SLC7A8: variants seen among roughly 807,000 people sequenced by gnomAD.
The protein encoded by SLC7A8 is large neutral amino acids transporter small subunit 2.
In SLC7A8, 30 loss-of-function variants were observed where a neutral mutation model predicts 51.2. The ratio of observed to expected loss-of-function variants is 0.59; its 90% CI spans 0.44 to 0.80. SLC7A8 has a LOEUF of 0.80. Ranked by LOEUF, SLC7A8 falls within the 30% of genes least tolerant of loss-of-function variation. The pLI, the probability that SLC7A8 is intolerant of heterozygous loss-of-function variation, is 0.00. For missense variants in SLC7A8, 612 were observed against 674.4 expected, an observed-to-expected ratio of 0.91 and a Z score of 1.03; for synonymous variants, 257 against 275.8, an observed-to-expected ratio of 0.93 and a Z score of 0.67.
chr14:23,135,190 T>A (rs1051001657), intron 7 of SLC7A8, among the ~76,000 whole-genome samples: 6 of 151,954 alleles, frequency 3.9e-5, no homozygotes, highest in African/African-American at 1.4e-4. Context: ...TGGGTTCAAG[T>A]GATTCTTCTG....
intron 1 of SLC7A8, among the ~76,000 whole-genome samples, chr14:23,176,240 A>G (rs1876897071): frequency 6.6e-6 from 1 of 152,072 alleles, no homozygotes; most frequent in South Asian, 2.1e-4. Flanking sequence ...TATACTTGAA[A>G]TTTTTCCAAG....
rs2048723212 is a variant in SLC7A8, at chr14:23,139,547, C to A, written c.789G>T (p.Lys263Asn). 3 of 1,612,666 alleles carry A rather than the reference C, an allele frequency of 1.9e-6. No individual in the cohort carries two copies. The highest frequency in any genetic ancestry group is 2.5e-6 in the Non-Finnish European group (3 of 1,179,196). Reference sequence around the variant, plus strand: ...AGATGAAGATGGCTCTGGGAAGGTTCCTGTAGAGGGAGAGGAGGTGAGGGG... The same window carrying A: ...AGATGAAGATGGCTCTGGGAAGGTTACTGTAGAGGGAGAGGAGGTGAGGGG... The part of the protein sequence containing the change: ...YVTEELVDPY[K>N]NLPRAIFISI... The change falls in exon 6 of 11, where the codon AAG (lysine) becomes AAT (asparagine). Residue 263 changes from lysine (K) to asparagine (N), a missense_variant and splice_region_variant. Coordinates refer to ENST00000316902, the MANE Select transcript of SLC7A8 (RefSeq NM_012244.4).
chr14:23,154,165 G>A (rs2048871072), intron 3 of SLC7A8: 9 of 817,660 alleles, frequency 1.1e-5, no homozygotes, highest in Non-Finnish European at 1.3e-5. Flanking sequence ...CTGCAAAACA[G>A]GCACCTTTCT....
intron 3 of SLC7A8, among the ~76,000 whole-genome samples, chr14:23,151,749 T>TAAACAAAAAAAAA (rs2048848970): frequency 9.9e-6 from 1 of 100,902 alleles, no homozygotes; most frequent in Non-Finnish European, 2.0e-5. Context: ...CCCTGTCTCT[T>TAAACAAAAAAAAA]AAAAAAAAAA....
At chr14:23,161,925 T>TA (rs34382575) in intron 3 of SLC7A8, among the ~76,000 whole-genome samples, 258 of 106,262 alleles carry the variant, frequency 2.4e-3, no homozygotes, top group East Asian at 6.6e-3. Context: ...AGACTCCATC[T>TA]AAAAAAAAAA....
In SLC7A8 at chr14:23,137,941, C is replaced by G. The variant is rs2048705960; in HGVS notation, c.996G>C (p.Gly332=). The change falls in exon 7 of 11, where the codon GGG becomes GGC. Residue 332 remains glycine, a synonymous_variant. Coordinates refer to ENST00000316902, the MANE Select transcript of SLC7A8 (RefSeq NM_012244.4). ...VALSTFGGVN[G]SLFTSSRLFF... is the part of the protein sequence containing the mutation. Reference sequence around the variant, plus strand: ...CTCACCGAGAGGAGGTGAAGAGAGACCCATTAACTCCTCCAAATGTGGACA... The same window carrying G: ...CTCACCGAGAGGAGGTGAAGAGAGAGCCATTAACTCCTCCAAATGTGGACA... The G allele has an allele frequency of 1.4e-5, 22 of 1,613,914 alleles. No homozygotes were observed. Among genetic ancestry groups the G allele is most frequent in the Non-Finnish European group, 1.9e-5 (22 of 1,180,002 alleles).
chr14:23,161,468 A>C (rs1427682432), intron 3 of SLC7A8, among the ~76,000 whole-genome samples: 1 of 130,710 alleles, frequency 7.7e-6, no homozygotes, highest in Non-Finnish European at 1.7e-5. Context: ...CCCCATGTGC[A>C]TATGTTTACG....
At chr14:23,137,642 T>C (rs1594821343) in intron 7 of SLC7A8, among the ~76,000 whole-genome samples, 1 of 152,100 alleles carries the variant, frequency 6.6e-6, no homozygotes, top group Admixed American at 6.5e-5. Flanking sequence ...GCTGGCGGCC[T>C]CCTCTGTCTT....
At chr14:23,138,555 A>G (rs2048712823) in intron 6 of SLC7A8, among the ~76,000 whole-genome samples, 1 of 152,186 alleles carries the variant, frequency 6.6e-6, no homozygotes, top group South Asian at 2.1e-4. Flanking sequence ...AATAGGGATT[A>G]ATCCAGAATC....
chr14:23,129,681 C>T lies in SLC7A8; in HGVS notation c.1232G>A (p.Trp411Ter). The change falls in exon 9 of 11, where the codon TGG (tryptophan) becomes TAG (stop). Residue 411 changes from tryptophan (W) to a stop codon, truncating the protein, a stop_gained. Transcript: ENST00000316902. LOFTEE classifies it high-confidence loss of function. ...VTVAGQIVLR[W>*]KKPDIPRPIK... is the part of the protein sequence containing the mutation. ...GGGGCGGGGGATATCAGGCTTCTTC[C>T]AGCGAAGGACTATCTGTCCAGCAAC... The T allele has an allele frequency of 1.2e-6, 2 of 1,614,182 alleles. No homozygotes were observed. Among genetic ancestry groups the T allele is most frequent in the South Asian group, 1.1e-5 (1 of 91,080 alleles).
chr14:23,169,055 T>G (rs1324139873), intron 1 of SLC7A8, among the ~76,000 whole-genome samples: 1 of 152,072 alleles, frequency 6.6e-6, no homozygotes. Flanking sequence ...CAAATTAAAA[T>G]TACAAAGATA....
chr14:23,134,585 T>C (rs1192388181), intron 7 of SLC7A8, among the ~76,000 whole-genome samples: 2 of 152,046 alleles, frequency 1.3e-5, no homozygotes, highest in African/African-American at 4.8e-5. Flanking sequence ...AGAGATGGGG[T>C]CTTGCTCTGT....
At chr14:23,163,347 G>C (rs1231928574) in intron 3 of SLC7A8, among the ~76,000 whole-genome samples, 2 of 152,198 alleles carry the variant, frequency 1.3e-5, no homozygotes, top group East Asian at 3.8e-4. Context: ...TGGTGGACTG[G>C]AGATGCAGGC....
chr14:23,175,555 G>A (rs879549043), intron 1 of SLC7A8, among the ~76,000 whole-genome samples: 2 of 152,180 alleles, frequency 1.3e-5, no homozygotes, highest in Non-Finnish European at 2.9e-5. Flanking sequence ...GCTGTCTGGT[G>A]TGTCTCTTGG....
At chr14:23,170,142 T>C (rs186714957) in intron 1 of SLC7A8, among the ~76,000 whole-genome samples, 1 of 152,324 alleles carries the variant, frequency 6.6e-6, no homozygotes, top group East Asian at 1.9e-4. Flanking sequence ...ATCATTCCTA[T>C]TTTACCATTG....
intron 1 of SLC7A8, among the ~76,000 whole-genome samples, chr14:23,174,172 C>G (rs893643610): frequency 6.6e-6 from 1 of 152,186 alleles, no homozygotes; most frequent in Non-Finnish European, 1.5e-5. Flanking sequence ...GGTCCAAATA[C>G]CACCTTAAGT....
At chr14:23,146,749 A>G (rs2048797555) in intron 3 of SLC7A8, 1 of 152,208 alleles carries the variant, frequency 6.6e-6, no homozygotes, top group South Asian at 2.1e-4. Flanking sequence ...TTCACCCTGC[A>G]GTTGGGTGAT....
intron 1 of SLC7A8, among the ~76,000 whole-genome samples, chr14:23,178,885 CAAAAAAAAAA>C (rs386380884): frequency 6.3e-5 from 5 of 78,756 alleles, no homozygotes; most frequent in African/African-American, 2.1e-4. Flanking sequence ...ATCTTGTCTC[CAAAAAAAAAA>C]AAAAAAAAAA....
At chr14:23,177,808 C>A (rs1005544663) in intron 1 of SLC7A8, among the ~76,000 whole-genome samples, 8 of 152,224 alleles carry the variant, frequency 5.3e-5, no homozygotes, top group Non-Finnish European at 1.0e-4. Flanking sequence ...CCACTCCCAG[C>A]TGACAGCCCA....
Sources: allele counts gnomAD v4.1 joint callset (sites outside exome capture counted in the v4.1 genomes callset), GRCh38; gene constraint gnomAD v4.1.1; transcripts MANE v1.5; gene names NCBI Gene and HGNC (gene_info 2026-07-23, HGNC 2026-07-21).